Variants in PASK observed in about 807,000 individuals in gnomAD.
PASK encodes the protein PAS domain-containing serine/threonine-protein kinase.
PASK carries 110 observed loss-of-function variants against 121.0 expected under a neutral mutation model. That is an observed-to-expected ratio of 0.91 (90% CI 0.78 to 1.06). PASK has a LOEUF of 1.06. Among genes scored for constraint, PASK ranks in the 50% least tolerant of loss-of-function variants. The probability of loss-of-function intolerance (pLI) is 0.00; values close to 1 mark genes in which losing one functional copy is unlikely to be tolerated. For missense variants in PASK, 1,643 were observed against 1,702.3 expected (o/e 0.97, Z 0.61); for synonymous variants, 686 against 717.8 (o/e 0.96, Z 0.71).
At chr2:241,142,103 C>T (rs1243254406) in intron 2 of PASK, among the ~76,000 whole-genome samples, 5 of 149,304 alleles carry the variant, frequency 3.3e-5, no homozygotes, top group Non-Finnish European at 6.0e-5. Context: ...ATCCTGGGCA[C>T]TCTCCACAGG....
intron 7 of PASK, 73 bp from the exon 8 acceptor site, chr2:241,136,112 A>G: frequency 7.7e-7 from 1 of 1,305,396 alleles, no homozygotes; most frequent in Non-Finnish European, 1.1e-6. Context: ...CCCCTGGGGG[A>G]GGAATGAACA....
chr2:241,144,724 G>T (rs2066872639), intron 1 of PASK, among the ~76,000 whole-genome samples: 1 of 152,168 alleles, frequency 6.6e-6, no homozygotes, highest in South Asian at 2.1e-4. Flanking sequence ...GGCAGGCCTG[G>T]GGTGAAGAGG....
chr2:241,141,161 C>T (rs2066682032), intron 2 of PASK, among the ~76,000 whole-genome samples: 1 of 152,196 alleles, frequency 6.6e-6, no homozygotes, highest in Non-Finnish European at 1.5e-5. Flanking sequence ...GTGGCGTGCC[C>T]TTGCAGCCCC....
Position 241,122,806 on chromosome 2 carries a change from T to C in PASK, c.2998A>G (p.Ser1000Gly), listed in dbSNP as rs368360065. Residue 1000 changes from serine (S) to glycine (G), a missense_variant, in exon 12 of 18, where the codon AGT becomes GGT. Around this residue, in one of 3 missense-constraint regions of PASK, gnomAD observed 453 missense variants for 511.2 expected, o/e 0.89. Transcript: ENST00000234040. The stretch of plus-strand genomic sequence containing the variant: ...CCACTGCCCAGCGGGCTCATGGTAC[T>C]GTACTTTTGGGAGTACTCGCCCTCA... ...ACEGEYSQKY[S>G]TMSPLGSGAF... The C allele has an allele frequency of 1.2e-5, 20 of 1,614,106 alleles. No homozygotes were observed. Among genetic ancestry groups the C allele is most frequent in the African/African-American group, 8.0e-5 (6 of 74,938 alleles).
At chr2:241,146,127 A>G (rs1476757779) in intron 1 of PASK, among the ~76,000 whole-genome samples, 1 of 152,248 alleles carries the variant, frequency 6.6e-6, no homozygotes, top group Non-Finnish European at 1.5e-5. Flanking sequence ...ACATGGCCCA[A>G]TAAAAAATGT....
In PASK at chr2:241,113,439, T is replaced by C. The variant is rs540951041; in HGVS notation, c.3334-1000A>G. The C allele has an allele frequency of 7.1e-4, 106 of 150,242 alleles. 1 individual carries two copies. Among genetic ancestry groups the C allele is most frequent in the African/African-American group, 2.6e-3 (102 of 39,712 alleles). The allele number at this position is 150,242 out of a possible 1,614,324, so 9.3% of individuals were successfully genotyped here. A position where few individuals can be genotyped will look rare whatever the true frequency, so the allele number is the denominator to read the frequency against. The stretch of plus-strand genomic sequence containing the variant: ...ACATACCTGCATATTTATACATACA[T>C]TTAGATACATACATGTGCACATATA... On this transcript the variant is annotated intron_variant, in intron 14 of 17. Transcript: ENST00000234040.
chr2:241,120,520 C>G (rs1271513622), intron 12 of PASK, among the ~76,000 whole-genome samples: 2 of 151,166 alleles, frequency 1.3e-5, no homozygotes, highest in African/African-American at 4.8e-5. Flanking sequence ...GGCAAAGGAT[C>G]AGAACAGACA....
In PASK at chr2:241,112,287, A is replaced by G. The variant is rs2065142168; in HGVS notation, c.3486T>C (p.Phe1162=). Residue 1162 remains phenylalanine, a synonymous_variant, in exon 15 of 18, where the codon TTT becomes TTC. Transcript: ENST00000234040. The surrounding 1 kb of genome is among the most constrained non-coding windows in gnomAD (Gnocchi z 5.2). ...YLERGKLFYT[F]CGTIEYCAPE... is the part of the protein sequence containing the mutation. ...GTGCACAGTACTCGATGGTCCCACA[A>G]AAAGTATAAAATAATTTTCCCCTTT... 2.5e-6 allele frequency: 4 copies of G among 1,613,846 alleles called. No homozygotes were observed. Among genetic ancestry groups the G allele is most frequent in the South Asian group, 2.2e-5 (2 of 91,072 alleles).
At position 241,127,411 on chromosome 2, in the gene PASK, C is replaced by A; in HGVS notation, c.1504G>T (p.Glu502Ter). 1 of 1,614,142 alleles carries A rather than the reference C, an allele frequency of 6.2e-7. No homozygotes were observed. The highest frequency in any genetic ancestry group is 1.1e-5 in the South Asian group (1 of 91,072). Residue 502 changes from glutamate (E) to a stop codon, truncating the protein, a stop_gained, in exon 10 of 18, where the codon GAA (glutamate) becomes TAA (stop). Transcript: ENST00000234040. LOFTEE classifies it high-confidence loss of function. ...TGCTGGTCCTTGGGCAGCGCCTGTT[C>A]ACCGTGCACTGGCAGGCTTCCTTCT... The part of the protein sequence containing the change: ...VPEGSLPVHG[E>*]QALPKDQQIT...
chr2:241,126,760 C>T lies in PASK; in HGVS notation c.2155G>A (p.Ala719Thr), dbSNP rs2065884896. 6.2e-7 allele frequency: 1 copy of T among 1,613,992 alleles called. No homozygotes were observed. Among genetic ancestry groups the T allele is most frequent in the Non-Finnish European group, 8.5e-7 (1 of 1,180,042 alleles). Residue 719 changes from alanine (A) to threonine (T), a missense_variant, in exon 10 of 18, where the codon GCC (alanine) becomes ACC (threonine). Coordinates refer to ENST00000234040, the MANE Select transcript of PASK (RefSeq NM_015148.4). ...TCCAGGCCCCCAGGGAGGTCCGTGGCCAAGGCATAGCAGGCTGAGGAGCTG... is the reference window on the plus strand; with the variant it reads ...TCCAGGCCCCCAGGGAGGTCCGTGGTCAAGGCATAGCAGGCTGAGGAGCTG... ...TGSSSACYAL[A>T]TDLPGGLEAV... is the part of the protein sequence containing the mutation.
At chr2:241,123,877 G>A (rs2065735381) in intron 11 of PASK, 72 bp downstream of exon 11, 3 of 1,252,912 alleles carry the variant, frequency 2.4e-6, no homozygotes, top group South Asian at 2.4e-5. Flanking sequence ...GAAACAGAGA[G>A]AGATGCCAAC....
intron 11 of PASK, among the ~76,000 whole-genome samples, chr2:241,123,609 G>A (rs2065722787): frequency 1.3e-5 from 2 of 152,084 alleles, no homozygotes; most frequent in Admixed American, 6.5e-5. Flanking sequence ...CCTGAGGTCA[G>A]GAGGTTCAAT....
chr2:241,112,754 C>G lies in PASK; in HGVS notation c.3334-315G>C. Reference sequence around the variant, plus strand: ...CTCGCCCCCACCAACGCACACCATGCCTATTTCAGGAGGAAAGACAGGCCA... The same window carrying G: ...CTCGCCCCCACCAACGCACACCATGGCTATTTCAGGAGGAAAGACAGGCCA... On this transcript the variant is annotated intron_variant, in intron 14 of 17. Coordinates refer to ENST00000234040, the MANE Select transcript of PASK (RefSeq NM_015148.4). The surrounding 1 kb of genome is among the most constrained non-coding windows in gnomAD (Gnocchi z 5.2). 2.9e-6 allele frequency: 1 copy of G among 343,452 alleles called. No homozygotes were observed. Among genetic ancestry groups the G allele is most frequent in the South Asian group, 2.6e-5 (1 of 38,352 alleles). The allele number at this position is 343,452 out of a possible 1,614,324, so 21.3% of individuals were successfully genotyped here. A position where few individuals can be genotyped will look rare whatever the true frequency, so the allele number is the denominator to read the frequency against.
chr2:241,148,676 T>C (rs922889858), intron 1 of PASK, among the ~76,000 whole-genome samples: 12 of 152,234 alleles, frequency 7.9e-5, no homozygotes, highest in Admixed American at 6.5e-4. Flanking sequence ...ATATGCATTT[T>C]ACAAAGATTA....
intron 1 of PASK, among the ~76,000 whole-genome samples, chr2:241,144,006 GGA>G (rs2066832730): frequency 6.6e-6 from 1 of 152,218 alleles, no homozygotes; most frequent in Admixed American, 6.5e-5. Flanking sequence ...ACATCTTACA[GGA>G]GAGTGTCACA....
At chr2:241,132,379 G>C (rs946304452) in intron 9 of PASK, among the ~76,000 whole-genome samples, 2 of 151,588 alleles carry the variant, frequency 1.3e-5, no homozygotes, top group African/African-American at 4.8e-5. Context: ...AACCGGGCGT[G>C]GTGGCGGGCG....
At chr2:241,139,486 A>G (rs1575332434) in intron 4 of PASK, 4 of 478,910 alleles carry the variant, frequency 8.4e-6, no homozygotes, top group Non-Finnish European at 1.7e-5. Flanking sequence ...CCAGGCCAAC[A>G]CCCCCGCCCG....
At chr2:241,107,259 C>T (rs1177261608) in intron 17 of PASK, 94 bp downstream of exon 17, 7 of 1,086,708 alleles carry the variant, frequency 6.4e-6, no homozygotes, top group Non-Finnish European at 1.0e-5. Flanking sequence ...GGGAGAGAGC[C>T]TCCTTTTCCT....
intron 16 of PASK, 79 bp from the exon 17 acceptor site, chr2:241,107,578 A>C (rs2064940653): frequency 2.2e-6 from 3 of 1,389,328 alleles, no homozygotes; most frequent in Non-Finnish European, 3.1e-6. Context: ...GGTGCTCACC[A>C]CCCCCCCGCA....
Sources: gnomAD v4.1 joint callset for allele counts (sites outside exome capture counted in the v4.1 genomes callset) on GRCh38, gnomAD v4.1.1 for gene constraint, gnomAD v4.1.1 regional missense constraint, Gnocchi (gnomAD v3.1) non-coding constraint, MANE v1.5 for transcripts, NCBI Gene and HGNC (gene_info 2026-07-23, HGNC 2026-07-21) for gene names.